Variants in DOCK4 observed in about 807,000 individuals in gnomAD.
The protein encoded by DOCK4 is dedicator of cytokinesis 4, also known as dedicator of cytokinesis protein 4.
In DOCK4, 97 loss-of-function variants were observed where a neutral mutation model predicts 268.1. That is an observed-to-expected ratio of 0.36 (90% CI 0.31 to 0.43). The LOEUF (loss-of-function observed/expected upper bound fraction) is 0.43, where lower values mean the gene tolerates loss of function less well. Among genes scored for constraint, DOCK4 ranks in the 20% least tolerant of loss-of-function variants. The pLI is 1.00. For missense variants in DOCK4, 2,145 were observed against 2,455.7 expected (o/e 0.87, Z 2.67); for synonymous variants, 954 against 887.2 (o/e 1.08, Z -1.34).
At chr7:111,735,387 G>A (rs182973643) in intron 50 of DOCK4, among the ~76,000 whole-genome samples, 9 of 152,280 alleles carry the variant, frequency 5.9e-5, no homozygotes, top group Admixed American at 5.9e-4. Context: ...TTCCCTTAAT[G>A]CTGTCAAAGG....
chr7:111,769,014 C>T (rs1424708262), intron 37 of DOCK4, among the ~76,000 whole-genome samples: 3 of 152,092 alleles, frequency 2.0e-5, no homozygotes, highest in Admixed American at 2.0e-4. Flanking sequence ...GAGAGTTAGC[C>T]AGCCCCTTTC....
intron 8 of DOCK4, among the ~76,000 whole-genome samples, chr7:111,970,099 C>G (rs1797587303): frequency 6.6e-6 from 1 of 152,094 alleles, no homozygotes; most frequent in Non-Finnish European, 1.5e-5. Context: ...AGGTCAAGTC[C>G]CTCCCACTCT....
intron 35 of DOCK4, among the ~76,000 whole-genome samples, chr7:111,781,278 G>A (rs1424972212): frequency 1.3e-5 from 2 of 152,324 alleles, no homozygotes; most frequent in African/African-American, 4.8e-5. Flanking sequence ...AGACAGAGAA[G>A]ACCTAAAGCT....
intron 13 of DOCK4, 85 bp from the exon 14 acceptor site, chr7:111,901,886 T>C (rs933010381): frequency 3.5e-5 from 34 of 978,128 alleles, no homozygotes; most frequent in African/African-American, 1.3e-4. Context: ...CTTTAGTTTA[T>C]ACAATATACT....
At chr7:111,810,404 A>C (rs1037949504) in intron 28 of DOCK4, among the ~76,000 whole-genome samples, 2 of 151,994 alleles carry the variant, frequency 1.3e-5, no homozygotes, top group Admixed American at 1.3e-4. Context: ...GTGAGCCGAG[A>C]TTGCGCCACT....
rs1003742633 is a variant in DOCK4, at chr7:111,728,847, A to G, written c.5482-127T>C. 2.5e-5 allele frequency: 21 copies of G among 849,222 alleles called. No homozygotes were observed. In the South Asian group the frequency reaches 3.8e-4, roughly 15 times the overall value. 52.6% of individuals were successfully genotyped at this position (849,222 alleles called of 1,614,324 possible). A position where few individuals can be genotyped will look rare whatever the true frequency, so the allele number is the denominator to read the frequency against. On this transcript the variant is annotated intron_variant, in intron 52 of 52. Transcript: ENST00000428084. Reference sequence around the variant, plus strand: ...CCCCCAAAGCCGGCTGCAGCAGGAGATGCAGCCTTTAAGGAGGTGATTAAG... The same window carrying G: ...CCCCCAAAGCCGGCTGCAGCAGGAGGTGCAGCCTTTAAGGAGGTGATTAAG...
In DOCK4 at chr7:112,073,048, T is replaced by C. The variant is rs535408119; in HGVS notation, c.38-68917A>G. Among the ~76,000 whole-genome samples the C allele has an allele frequency of 1.6e-4, 25 of 152,148 alleles. 1 individual carries two copies. The highest frequency in any genetic ancestry group is 5.3e-4 in the African/African-American group (22 of 41,518). On this transcript the variant is annotated intron_variant, in intron 1 of 52. Coordinates refer to ENST00000428084, the MANE Select transcript of DOCK4 (RefSeq NM_001363540.2). ...GCATGGGAACATCTAAAACCCAAGG[T>C]CAAAGGTCAAACAGTGCCCTTGATC...
intron 1 of DOCK4, among the ~76,000 whole-genome samples, chr7:112,176,751 TCAAC>T (rs761699606): frequency 6.6e-6 from 1 of 152,234 alleles, no homozygotes; most frequent in Non-Finnish European, 1.5e-5. Context: ...CCTGTTTCTT[TCAAC>T]CAACTGCATT....
chr7:111,850,880 T>G (rs1334235732), intron 23 of DOCK4, among the ~76,000 whole-genome samples: 1 of 152,230 alleles, frequency 6.6e-6, no homozygotes, highest in Non-Finnish European at 1.5e-5. Flanking sequence ...AAAGCTTTAT[T>G]GCTCACACAA....
At chr7:112,149,065 A>G (rs2116368263) in intron 1 of DOCK4, among the ~76,000 whole-genome samples, 1 of 152,262 alleles carries the variant, frequency 6.6e-6, no homozygotes, top group East Asian at 1.9e-4. Context: ...AAAAAATACC[A>G]TTTTAAGAAG....
intron 1 of DOCK4, among the ~76,000 whole-genome samples, chr7:112,178,283 T>G (rs1818699667): frequency 6.6e-6 from 1 of 152,222 alleles, no homozygotes; most frequent in East Asian, 1.9e-4. Context: ...AAGTGAGGCT[T>G]ACAGTATGCC....
At chr7:111,984,543 C>T (rs1487774792) in intron 6 of DOCK4, among the ~76,000 whole-genome samples, 153 bp from the exon 7 acceptor site, 1 of 152,152 alleles carries the variant, frequency 6.6e-6, no homozygotes, top group African/African-American at 2.4e-5. Context: ...TTGGGGTAGA[C>T]AATATAACTC....
At chr7:111,851,069 C>A (rs1363377148) in intron 23 of DOCK4, among the ~76,000 whole-genome samples, 2 of 152,160 alleles carry the variant, frequency 1.3e-5, no homozygotes, top group Non-Finnish European at 2.9e-5. Context: ...AAAACAAAAA[C>A]CCTCTATCCT....
chr7:111,792,588 G>T (rs767221592), intron 30 of DOCK4, among the ~76,000 whole-genome samples: 1 of 152,042 alleles, frequency 6.6e-6, no homozygotes, highest in African/African-American at 2.4e-5. Flanking sequence ...TTACCATGTT[G>T]CCCAGGCTGG....
At position 112,030,019 on chromosome 7, in the gene DOCK4, C is replaced by T. The variant is rs147809868; in HGVS notation, c.38-25888G>A. Among the ~76,000 whole-genome samples the T allele has an allele frequency of 2.4e-4, 37 of 152,238 alleles. 1 individual carries two copies. In the Middle Eastern group the frequency reaches 0.01, roughly 42 times the overall value. On this transcript the variant is annotated intron_variant, in intron 1 of 52. Coordinates refer to ENST00000428084, the MANE Select transcript of DOCK4 (RefSeq NM_001363540.2). ...AAGCAAAGCAGCTCCATAGGAGAACCATTACATCTGCATGAAAACTTCATG... is the reference window on the plus strand; with the variant it reads ...AAGCAAAGCAGCTCCATAGGAGAACTATTACATCTGCATGAAAACTTCATG...
intron 26 of DOCK4, among the ~76,000 whole-genome samples, chr7:111,828,265 TACTGTG>T (rs1220526567): frequency 6.6e-6 from 1 of 152,202 alleles, no homozygotes; most frequent in Non-Finnish European, 1.5e-5. Context: ...TGTGTTCTGA[TACTGTG>T]ACTCATGCCT....
At chr7:111,807,850 C>T (rs1262954100) in intron 30 of DOCK4, 1 of 151,534 alleles carries the variant, frequency 6.6e-6, no homozygotes, top group Non-Finnish European at 1.5e-5. Context: ...ATTATATATA[C>T]CAAGGCTCCC....
At chr7:111,811,737 TC>T (rs2133913059) in intron 28 of DOCK4, 136 bp downstream of exon 28, 1 of 625,584 alleles carries the variant, frequency 1.6e-6, no homozygotes, top group African/African-American at 1.9e-5. Context: ...CTTCATCTGT[TC>T]ACAAATATAA....
intron 12 of DOCK4, among the ~76,000 whole-genome samples, chr7:111,920,179 G>T (rs750123348): frequency 2.0e-5 from 3 of 152,090 alleles, no homozygotes; most frequent in Admixed American, 1.3e-4. Flanking sequence ...CACAGGAGAC[G>T]AAGTTTCAGT....
Sources: gnomAD v4.1 joint callset for allele counts (sites outside exome capture counted in the v4.1 genomes callset) on GRCh38, gnomAD v4.1.1 for gene constraint, MANE v1.5 for transcripts, NCBI Gene and HGNC (gene_info 2026-07-23, HGNC 2026-07-21) for gene names.